Variants in NAV2 observed in about 807,000 individuals in gnomAD.
NAV2 encodes the protein neuron navigator 2.
A neutral mutation model predicts 223.2 loss-of-function variants in NAV2; 54 were observed. The ratio of observed to expected loss-of-function variants is 0.24; its 90% CI spans 0.19 to 0.30. The LOEUF (loss-of-function observed/expected upper bound fraction) is 0.30, where lower values mean the gene tolerates loss of function less well. Ranked by LOEUF, NAV2 falls within the 10% of genes least tolerant of loss-of-function variation. NAV2 has a pLI of 1.00. For missense variants in NAV2, 2,806 were observed against 3,147.5 expected (o/e 0.89, Z 2.60); for synonymous variants, 1,279 against 1,239.3 (o/e 1.03, Z -0.67).
At chr11:20,021,965 C>T (rs1162700930) in intron 11 of NAV2, among the ~76,000 whole-genome samples, 3 of 152,224 alleles carry the variant, frequency 2.0e-5, no homozygotes, top group Admixed American at 6.5e-5. Flanking sequence ...AGAGACCTCG[C>T]TTGGAGCCAG....
intron 1 of NAV2, among the ~76,000 whole-genome samples, chr11:19,369,237 T>C (rs1848390795): frequency 6.6e-6 from 1 of 152,222 alleles, no homozygotes; most frequent in Non-Finnish European, 1.5e-5. Flanking sequence ...CATGTCTATA[T>C]TCTTTAGGGA....
At chr11:19,700,732 G>A (rs1220453669) in intron 1 of NAV2, among the ~76,000 whole-genome samples, 1 of 152,042 alleles carries the variant, frequency 6.6e-6, no homozygotes, top group Non-Finnish European at 1.5e-5. Context: ...CATCTAAAGG[G>A]GTCTAAGATG....
chr11:19,872,577 C>G (rs2062581116), intron 4 of NAV2, among the ~76,000 whole-genome samples: 2 of 152,380 alleles, frequency 1.3e-5, no homozygotes, highest in Non-Finnish European at 2.9e-5. Context: ...TGCCCTGAGG[C>G]TCCTTCTCTG....
chr11:20,074,350 C>T (rs1212458483), intron 22 of NAV2, among the ~76,000 whole-genome samples: 1 of 151,974 alleles, frequency 6.6e-6, no homozygotes, highest in East Asian at 1.9e-4. Context: ...GTTTTACTTC[C>T]GATTATGTGG....
At chr11:19,484,566 C>T (rs915528618) in intron 1 of NAV2, among the ~76,000 whole-genome samples, 2 of 152,216 alleles carry the variant, frequency 1.3e-5, no homozygotes, top group African/African-American at 2.4e-5. Flanking sequence ...ATGACAGCAT[C>T]CTATTCTCAG....
At chr11:20,077,525 T>C in intron 22 of NAV2, 27 bp from the exon 23 acceptor site, 1 of 1,565,436 alleles carries the variant, frequency 6.4e-7, no homozygotes. Context: ...CAAGGTAATA[T>C]AACTGAGGTT....
At chr11:20,098,586 G>C (rs915045198) in intron 31 of NAV2, among the ~76,000 whole-genome samples, 3 of 152,172 alleles carry the variant, frequency 2.0e-5, no homozygotes, top group South Asian at 2.1e-4. Flanking sequence ...TTTGATGCAA[G>C]GTGTATTTCC....
At chr11:19,973,644 C>T (rs2049447579) in intron 10 of NAV2, among the ~76,000 whole-genome samples, 2 of 152,188 alleles carry the variant, frequency 1.3e-5, no homozygotes, top group African/African-American at 4.8e-5. Flanking sequence ...GTAGCATTGC[C>T]ATGAGCCACT....
At position 20,092,276 on chromosome 11, in the gene NAV2, G is replaced by C. The variant is rs748796683; in HGVS notation, c.5723G>C (p.Arg1908Pro). The C allele has an allele frequency of 2.5e-6, 4 of 1,614,110 alleles. No homozygotes were observed. The highest frequency in any genetic ancestry group is 3.4e-6 in the Non-Finnish European group (4 of 1,180,002). Residue 1908 changes from arginine (R) to proline (P), a missense_variant, in exon 28 of 38, where the codon CGG becomes CCG. Arg to Pro is a moderately radical substitution (Grantham distance 103). Transcript: ENST00000349880. Reference protein sequence around the residue: ...KSESQGSGCSRAPSQVSISAS... With the variant: ...KSESQGSGCSPAPSQVSISAS... ...GAGTCTCAAGGCAGTGGCTGCAGCC[G>C]GGCTCCTTCCCAAGTGTCCATCTCT... is the stretch of plus-strand genomic sequence containing the variant.
intron 1 of NAV2, among the ~76,000 whole-genome samples, chr11:19,466,982 T>A (rs1412349774): frequency 1.1e-5 from 1 of 89,506 alleles, no homozygotes; most frequent in Admixed American, 1.3e-4. Flanking sequence ...TCTCTCTCTC[T>A]CTACACACAC....
At position 20,101,150 on chromosome 11, in the gene NAV2, A is replaced by T. The variant is rs1166530977; in HGVS notation, c.6395A>T (p.Asn2132Ile). The part of the protein sequence containing the change: ...ELTDGVIATF[N>I]VDHKSSKELR... The stretch of plus-strand genomic sequence containing the variant: ...ACAGACGGGGTTATCGCCACCTTTA[A>T]CGTGGACCATAAGTCCAGCAAGGTG... Residue 2132 changes from asparagine (N) to isoleucine (I), a missense_variant, in exon 32 of 38, where the codon AAC becomes ATC. Transcript: ENST00000349880. 6.2e-7 allele frequency: 1 copy of T among 1,613,378 alleles called. No homozygotes were observed. Among genetic ancestry groups the T allele is most frequent in the African/African-American group, 1.3e-5 (1 of 75,000 alleles).
intron 9 of NAV2, 132 bp from the exon 10 acceptor site, chr11:19,948,559 T>C (rs1170057067): frequency 1.1e-6 from 1 of 909,420 alleles, no homozygotes; most frequent in Non-Finnish European, 1.5e-6. Context: ...CATCAGGTGG[T>C]ACATGGGGGC....
chr11:20,096,481 T>C (rs943444763), intron 30 of NAV2, among the ~76,000 whole-genome samples: 4 of 152,038 alleles, frequency 2.6e-5, no homozygotes, highest in African/African-American at 9.7e-5. Flanking sequence ...ACGTTTTTTG[T>C]GCCAGACACT....
chr11:19,934,884 T>C (rs1483326130), intron 7 of NAV2, among the ~76,000 whole-genome samples: 2 of 152,068 alleles, frequency 1.3e-5, no homozygotes, highest in Non-Finnish European at 2.9e-5. Context: ...TTTGTGGAGA[T>C]GGATGGATCC....
intron 1 of NAV2, among the ~76,000 whole-genome samples, chr11:19,671,503 CCT>C (rs1182203922): frequency 6.6e-6 from 1 of 152,148 alleles, no homozygotes; most frequent in African/African-American, 2.4e-5. Context: ...TGCTCCCTCC[CCT>C]GTTTCTCGTG....
chr11:19,742,722 G>A (rs561563155), intron 1 of NAV2, among the ~76,000 whole-genome samples: 7 of 152,358 alleles, frequency 4.6e-5, no homozygotes, highest in Non-Finnish European at 7.4e-5. Flanking sequence ...CTGATGCACA[G>A]ATGGGCAGGA....
intron 1 of NAV2, among the ~76,000 whole-genome samples, chr11:19,363,090 T>C (rs1854052093): frequency 6.6e-6 from 1 of 152,140 alleles, no homozygotes; most frequent in Non-Finnish European, 1.5e-5. Flanking sequence ...CATCAACCCA[T>C]CACCTACATG....
chr11:19,714,350 G>A (rs114126543), intron 1 of NAV2: 7,711 of 485,070 alleles, frequency 0.016, 497 homozygotes, highest in African/African-American at 0.14. Flanking sequence ...TGGCGGTTCC[G>A]CAGAGATTCT....
At chr11:19,367,921 A>G (rs1267187144) in intron 1 of NAV2, among the ~76,000 whole-genome samples, 1 of 152,202 alleles carries the variant, frequency 6.6e-6, no homozygotes, top group Non-Finnish European at 1.5e-5. Context: ...TCACTCACAC[A>G]TTCATTCAAT....
Sources: gnomAD v4.1 joint callset for allele counts (sites outside exome capture counted in the v4.1 genomes callset) on GRCh38, gnomAD v4.1.1 for gene constraint, MANE v1.5 for transcripts, NCBI Gene and HGNC (gene_info 2026-07-23, HGNC 2026-07-21) for gene names.